CAMK1D: variants seen among roughly 807,000 people sequenced by gnomAD.
CAMK1D encodes the protein calcium/calmodulin dependent protein kinase ID, also known as calcium/calmodulin-dependent protein kinase type 1D.
A neutral mutation model predicts 47.7 loss-of-function variants in CAMK1D; 9 were observed. That is an observed-to-expected ratio of 0.19 (90% CI 0.11 to 0.33). The LOEUF (loss-of-function observed/expected upper bound fraction) is 0.33, where lower values mean the gene tolerates loss of function less well. CAMK1D is among the 10% of genes least tolerant of loss of function. CAMK1D has a pLI of 1.00. For synonymous variants in CAMK1D, 184 were observed against 184.9 expected (o/e 0.99, Z 0.04); for missense variants, 291 against 488.7 (o/e 0.60, Z 3.81).
At chr10:12,664,348 C>G (rs1016798219) in intron 2 of CAMK1D, among the ~76,000 whole-genome samples, 6 of 152,134 alleles carry the variant, frequency 3.9e-5, no homozygotes, top group African/African-American at 1.4e-4. Context: ...TTGGGATTGT[C>G]CTTGCTGTGT....
At chr10:12,679,423 T>C (rs1280284752) in intron 3 of CAMK1D, among the ~76,000 whole-genome samples, 2 of 152,178 alleles carry the variant, frequency 1.3e-5, no homozygotes, top group Non-Finnish European at 2.9e-5. Context: ...ATTAAAAAAA[T>C]ACGGATAGTA....
At chr10:12,624,743 C>T (rs757419408) in intron 2 of CAMK1D, among the ~76,000 whole-genome samples, 4 of 152,170 alleles carry the variant, frequency 2.6e-5, no homozygotes, top group Non-Finnish European at 5.9e-5. Context: ...TCATTTTGAT[C>T]CAGGTGAGGC....
chr10:12,733,024 C>T lies in CAMK1D; in HGVS notation c.300-27924C>T, dbSNP rs1834966474. Among the ~76,000 whole-genome samples the T allele has an allele frequency of 2.6e-5, 4 of 152,208 alleles. No individual in the cohort carries two copies. In the South Asian group the frequency reaches 8.3e-4, roughly 31 times the overall value. On this transcript the variant is annotated intron_variant, in intron 3 of 10. Coordinates refer to ENST00000619168, the MANE Select transcript of CAMK1D (RefSeq NM_153498.4). Reference sequence around the variant, plus strand: ...AATGTACAAAAAAATGTTAAGCATGCTTCCCAGCATATAGCAATTACGATA... The same window carrying T: ...AATGTACAAAAAAATGTTAAGCATGTTTCCCAGCATATAGCAATTACGATA...
chr10:12,615,054 G>T (rs940078815), intron 2 of CAMK1D, among the ~76,000 whole-genome samples: 1 of 152,208 alleles, frequency 6.6e-6, no homozygotes, highest in African/African-American at 2.4e-5. Context: ...CTGGGAGCTG[G>T]AGGACTGATA....
At chr10:12,379,750 C>A (rs1838286066) in intron 1 of CAMK1D, among the ~76,000 whole-genome samples, 1 of 152,068 alleles carries the variant, frequency 6.6e-6, no homozygotes, top group African/African-American at 2.4e-5. Flanking sequence ...GAAACCTTGT[C>A]TCAATCAATC....
intron 1 of CAMK1D, among the ~76,000 whole-genome samples, chr10:12,420,451 A>G (rs1209204389): frequency 1.3e-5 from 2 of 152,272 alleles, no homozygotes; most frequent in Non-Finnish European, 2.9e-5. Flanking sequence ...ACAAGGCATT[A>G]TTGGCAGTGG....
intron 1 of CAMK1D, among the ~76,000 whole-genome samples, chr10:12,397,390 C>A (rs142343941): frequency 6.6e-6 from 1 of 152,080 alleles, no homozygotes; most frequent in Non-Finnish European, 1.5e-5. Context: ...GGAGTCACAC[C>A]TTTTTTCTTC....
chr10:12,536,543 T>G (rs963573568), intron 1 of CAMK1D, among the ~76,000 whole-genome samples: 2 of 152,216 alleles, frequency 1.3e-5, no homozygotes, highest in Non-Finnish European at 2.9e-5. Context: ...CCTCCCACAG[T>G]GCTGGGATTA....
chr10:12,497,475 CAAAAA>C (rs56786154), intron 1 of CAMK1D, among the ~76,000 whole-genome samples: 1 of 88,862 alleles, frequency 1.1e-5, no homozygotes, highest in African/African-American at 4.3e-5. Context: ...GACTCCATCT[CAAAAA>C]AAAAAAAAAA....
chr10:12,611,823 C>T (rs1353543073), intron 2 of CAMK1D, among the ~76,000 whole-genome samples: 1 of 151,982 alleles, frequency 6.6e-6, no homozygotes, highest in Non-Finnish European at 1.5e-5. Context: ...GAACTCCTGA[C>T]CTCAGGCGAT....
chr10:12,828,909 G>T lies in CAMK1D; in HGVS notation c.*22G>T, dbSNP rs553495181. 2 of 1,562,976 alleles carry T rather than the reference G, an allele frequency of 1.3e-6. No homozygotes were observed. The highest frequency in any genetic ancestry group is 1.4e-5 in the African/African-American group (1 of 73,930). ...GTGACTGGCCCTGGAGGTGGGGCCCGGGGTCGGGGCTGGGGAAGGGGAGCC... is the reference window on the plus strand; with the variant it reads ...GTGACTGGCCCTGGAGGTGGGGCCCTGGGTCGGGGCTGGGGAAGGGGAGCC... On this transcript the variant is annotated 3_prime_UTR_variant, in exon 11 of 11. Transcript: ENST00000619168.
At chr10:12,501,014 T>C (rs1350166212) in intron 1 of CAMK1D, among the ~76,000 whole-genome samples, 1 of 152,212 alleles carries the variant, frequency 6.6e-6, no homozygotes, top group Non-Finnish European at 1.5e-5. Flanking sequence ...CAAAGACCTC[T>C]GGGCTAATCA....
chr10:12,547,250 G>A (rs1351967717), intron 1 of CAMK1D, among the ~76,000 whole-genome samples: 1 of 152,200 alleles, frequency 6.6e-6, no homozygotes, highest in Admixed American at 6.5e-5. Context: ...GTGAGAGGAA[G>A]CCATTGGGTT....
intron 2 of CAMK1D, among the ~76,000 whole-genome samples, chr10:12,598,691 T>A (rs1838215323): frequency 2.0e-5 from 3 of 152,214 alleles, no homozygotes; most frequent in Admixed American, 2.0e-4. Flanking sequence ...AAAAGGGCTC[T>A]GTACTGGTGG....
At chr10:12,609,671 G>C (rs1223840114) in intron 2 of CAMK1D, among the ~76,000 whole-genome samples, 1 of 152,194 alleles carries the variant, frequency 6.6e-6, no homozygotes, top group African/African-American at 2.4e-5. Context: ...CGGTGATGCG[G>C]GTGATGGGGA....
At chr10:12,449,954 C>T (rs1171970334) in intron 1 of CAMK1D, among the ~76,000 whole-genome samples, 4 of 152,148 alleles carry the variant, frequency 2.6e-5, no homozygotes, top group Non-Finnish European at 5.9e-5. Flanking sequence ...GCCGAGATTA[C>T]ACCACTGTAC....
intron 3 of CAMK1D, among the ~76,000 whole-genome samples, chr10:12,713,237 A>AT (rs1175589077): frequency 6.6e-6 from 1 of 152,124 alleles, no homozygotes; most frequent in Admixed American, 6.5e-5. Flanking sequence ...GGCCCGGCTA[A>AT]TTTTTTGTAT....
intron 2 of CAMK1D, among the ~76,000 whole-genome samples, chr10:12,620,301 T>C (rs1564449585): frequency 6.6e-6 from 1 of 152,122 alleles, no homozygotes; most frequent in Admixed American, 6.6e-5. Flanking sequence ...AGGAGTTCAA[T>C]TGCTAGGTTG....
At position 12,535,196 on chromosome 10, in the gene CAMK1D, C is replaced by T. The variant is rs186116378; in HGVS notation, c.93-18029C>T. On this transcript the variant is annotated intron_variant, in intron 1 of 10. Coordinates refer to ENST00000619168, the MANE Select transcript of CAMK1D (RefSeq NM_153498.4). Reference sequence around the variant, plus strand: ...TGCCTGCTCTCAGTTGCCCACCCACCGCAGGGTCCTTTGCACATCTGTGCG... The same window carrying T: ...TGCCTGCTCTCAGTTGCCCACCCACTGCAGGGTCCTTTGCACATCTGTGCG... Among the ~76,000 whole-genome samples, 215 of 152,292 alleles carry T rather than the reference C, an allele frequency of 1.4e-3. 2 individuals carry two copies. Among genetic ancestry groups the T allele is most frequent in the African/African-American group, 5.0e-3 (209 of 41,558 alleles).
Sources: allele counts gnomAD v4.1 joint callset (sites outside exome capture counted in the v4.1 genomes callset), GRCh38; gene constraint gnomAD v4.1.1; transcripts MANE v1.5; gene names NCBI Gene and HGNC (gene_info 2026-07-23, HGNC 2026-07-21).